Variants in SFMBT1 observed in about 807,000 individuals in gnomAD.
SFMBT1 encodes scm-like with four MBT domains protein 1.
Under a neutral mutation model 108.7 loss-of-function variants are expected in SFMBT1, and 32 were observed. That is an observed-to-expected ratio of 0.29 (90% CI 0.22 to 0.40). The LOEUF (loss-of-function observed/expected upper bound fraction) is 0.40. Ranked by LOEUF, SFMBT1 falls within the 10% of genes least tolerant of loss-of-function variation. SFMBT1 has a pLI of 1.00. For synonymous variants in SFMBT1, 348 were observed against 369.5 expected (o/e 0.94, Z 0.67); for missense variants, 816 against 1,059.6 (o/e 0.77, Z 3.19).
At chr3:53,030,190 C>T (rs1264601616) in intron 1 of SFMBT1, among the ~76,000 whole-genome samples, 1 of 152,104 alleles carries the variant, frequency 6.6e-6, no homozygotes, top group Non-Finnish European at 1.5e-5. Flanking sequence ...TCTATGTGTA[C>T]TTGGATATAT....
intron 1 of SFMBT1, among the ~76,000 whole-genome samples, chr3:52,989,352 G>A (rs1003892303): frequency 1.3e-5 from 2 of 150,606 alleles, no homozygotes; most frequent in Non-Finnish European, 3.0e-5. Flanking sequence ...GGAGAATGGT[G>A]TGTGAACCCG....
At chr3:53,029,587 C>A (rs1699612256) in intron 1 of SFMBT1, among the ~76,000 whole-genome samples, 1 of 152,198 alleles carries the variant, frequency 6.6e-6, no homozygotes, top group South Asian at 2.1e-4. Flanking sequence ...GAAATTGATA[C>A]AATTTGTTAA....
At chr3:52,910,964 C>T in intron 17 of SFMBT1, 39 bp downstream of exon 17, 1 of 1,601,926 alleles carries the variant, frequency 6.2e-7, no homozygotes, top group South Asian at 1.1e-5. Flanking sequence ...AAGGTATGGT[C>T]AGCTGCTATG....
At chr3:52,917,359 A>G (rs1702389083) in intron 13 of SFMBT1, among the ~76,000 whole-genome samples, 1 of 152,120 alleles carries the variant, frequency 6.6e-6, no homozygotes, top group Admixed American at 6.5e-5. Flanking sequence ...GCTATAATCC[A>G]ATAGCATTGA....
At chr3:53,002,764 C>CT (rs1698602829) in intron 1 of SFMBT1, among the ~76,000 whole-genome samples, 1 of 150,362 alleles carries the variant, frequency 6.7e-6, no homozygotes, top group African/African-American at 2.4e-5. Context: ...ACAGCCTCCT[C>CT]TTTCTTTCAG....
chr3:52,987,561 G>C (rs969269602), intron 1 of SFMBT1, among the ~76,000 whole-genome samples: 1 of 152,204 alleles, frequency 6.6e-6, no homozygotes, highest in South Asian at 2.1e-4. Flanking sequence ...GGCAGCATTT[G>C]AACCCTCATC....
Position 52,956,507 on chromosome 3 carries a change from T to C in SFMBT1, c.29-2096A>G, listed in dbSNP as rs561712340. On this transcript the variant is annotated intron_variant, in intron 2 of 20. Coordinates refer to ENST00000394752, the MANE Select transcript of SFMBT1 (RefSeq NM_016329.4). ...TGGGTGCAGTGGCTCACGTCTGTAA[T>C]CCCAGCACTTTGGAAGGCCGAGGCT... Among the ~76,000 whole-genome samples the C allele has an allele frequency of 3.7e-3, 568 of 151,974 alleles. 2 individuals are homozygous for C. Among genetic ancestry groups the C allele is most frequent in the Middle Eastern group, 6.8e-3 (2 of 294 alleles).
intron 1 of SFMBT1, among the ~76,000 whole-genome samples, chr3:53,009,038 G>T (rs1428118761): frequency 6.6e-6 from 1 of 152,040 alleles, no homozygotes; most frequent in African/African-American, 2.4e-5. Context: ...TACTCGGGAG[G>T]CTTGAGGTGG....
At chr3:52,919,109 C>G (rs568316499) in intron 12 of SFMBT1, among the ~76,000 whole-genome samples, 1 of 152,218 alleles carries the variant, frequency 6.6e-6, no homozygotes, top group Non-Finnish European at 1.5e-5. Flanking sequence ...TGTGTGGTCC[C>G]ACGGGTTGGG....
intron 1 of SFMBT1, among the ~76,000 whole-genome samples, chr3:52,970,484 A>C (rs547845154): frequency 2.8e-4 from 43 of 152,356 alleles, no homozygotes; most frequent in Non-Finnish European, 5.9e-5. Flanking sequence ...ATACATGTAA[A>C]ATAATCTAAG....
At chr3:52,991,772 C>T (rs994670408) in intron 1 of SFMBT1, among the ~76,000 whole-genome samples, 1 of 152,144 alleles carries the variant, frequency 6.6e-6, no homozygotes, top group Non-Finnish European at 1.5e-5. Context: ...ACATTCCCTT[C>T]CACCTTCTAC....
chr3:52,910,544 A>G (rs940492062), intron 17 of SFMBT1, among the ~76,000 whole-genome samples: 5 of 152,048 alleles, frequency 3.3e-5, no homozygotes, highest in Non-Finnish European at 5.9e-5. Flanking sequence ...GCTGGAGTGC[A>G]GTGGCGCAAT....
chr3:52,989,030 A>G (rs1199664239), intron 1 of SFMBT1, among the ~76,000 whole-genome samples: 1 of 152,194 alleles, frequency 6.6e-6, no homozygotes, highest in Non-Finnish European at 1.5e-5. Flanking sequence ...AATGTTAAAT[A>G]TATAGAAATT....
In SFMBT1 at chr3:52,969,242, G is replaced by T; in HGVS notation, c.-114C>A. 2 of 1,539,840 alleles carry T rather than the reference G, an allele frequency of 1.3e-6. No individual in the cohort carries two copies. Among genetic ancestry groups the T allele is most frequent in the Non-Finnish European group, 1.7e-6 (2 of 1,148,712 alleles). On this transcript the variant is annotated 5_prime_UTR_variant, in exon 2 of 21. Coordinates refer to ENST00000394752, the MANE Select transcript of SFMBT1 (RefSeq NM_016329.4). ...AAGCATCTGTTCAATGGGTATCCAC[G>T]GGTCCAAATGAAAGTGCTGAAAAAT...
intron 1 of SFMBT1, among the ~76,000 whole-genome samples, chr3:53,002,416 A>AAAG (rs1698592403): frequency 6.7e-6 from 1 of 148,440 alleles, no homozygotes. Flanking sequence ...AAAAAAAAAA[A>AAAG]AAAAGAAATC....
At chr3:52,984,489 C>T (rs1466354257) in intron 1 of SFMBT1, among the ~76,000 whole-genome samples, 5 of 152,026 alleles carry the variant, frequency 3.3e-5, no homozygotes, top group Non-Finnish European at 5.9e-5. Flanking sequence ...GCCTTGAAGG[C>T]ATTTCCCCAT....
intron 10 of SFMBT1, among the ~76,000 whole-genome samples, chr3:52,925,226 A>C (rs1702626241): frequency 6.6e-6 from 1 of 152,220 alleles, no homozygotes; most frequent in Admixed American, 6.5e-5. Flanking sequence ...GTCTCAAAAC[A>C]AAACAAAACA....
intron 1 of SFMBT1, among the ~76,000 whole-genome samples, chr3:52,997,939 A>G (rs1698397169): frequency 6.6e-6 from 1 of 150,782 alleles, no homozygotes; most frequent in Admixed American, 6.7e-5. Flanking sequence ...CCTTTAAACA[A>G]TATTTTTTAA....
In SFMBT1 at chr3:52,996,476, A is replaced by C. The variant is rs764005938; in HGVS notation, c.-130-27218T>G. Among the ~76,000 whole-genome samples the C allele has an allele frequency of 1.3e-5, 2 of 149,898 alleles. 1 individual carries two copies. Among genetic ancestry groups the C allele is most frequent in the African/African-American group, 4.8e-5 (2 of 41,238 alleles). On this transcript the variant is annotated intron_variant, in intron 1 of 20. Transcript: ENST00000394752. ...CGATCTGCCCACCTCAGCCTCCCAA[A>C]TGCTAGGATTATAGGCATGAGGCAC...
Sources: gnomAD v4.1 joint callset for allele counts (sites outside exome capture counted in the v4.1 genomes callset) on GRCh38, gnomAD v4.1.1 for gene constraint, MANE v1.5 for transcripts, NCBI Gene and HGNC (gene_info 2026-07-23, HGNC 2026-07-21) for gene names.